Variants in MEI4 observed in about 807,000 individuals in gnomAD.
MEI4 encodes meiosis-specific protein MEI4.
A neutral mutation model predicts 31.4 loss-of-function variants in MEI4; 27 were observed. The ratio of observed to expected loss-of-function variants is 0.86; its 90% CI spans 0.63 to 1.19. The LOEUF (loss-of-function observed/expected upper bound fraction) is 1.19, where lower values mean the gene tolerates loss of function less well. Ranked by LOEUF, MEI4 falls within the 50% of genes most tolerant of loss-of-function variation. The probability of loss-of-function intolerance (pLI) is 0.00; values close to 1 mark genes in which losing one functional copy is unlikely to be tolerated. For missense variants in MEI4, 329 were observed against 398.9 expected, an observed-to-expected ratio of 0.82 and a Z score of 1.49; for synonymous variants, 122 against 145.4, an observed-to-expected ratio of 0.84 and a Z score of 1.16.
At position 77,918,771 on chromosome 6, in the gene MEI4, G is replaced by C. The variant is rs1300987093; in HGVS notation, c.901-4318G>C. Among the ~76,000 whole-genome samples, 6 of 151,814 alleles carry C rather than the reference G, an allele frequency of 4.0e-5. No individual in the cohort carries two copies. The East Asian group carries it at 1.2e-3, about 30-fold the overall frequency. On this transcript the variant is annotated intron_variant, in intron 4 of 4. Transcript: ENST00000684080. ...TGAATACCCTTTATTTCCTTCTCCTGCCTAATTGCCCTGGCCAGAACTTCC... is the reference window on the plus strand; with the variant it reads ...TGAATACCCTTTATTTCCTTCTCCTCCCTAATTGCCCTGGCCAGAACTTCC...
intron 3 of MEI4, among the ~76,000 whole-genome samples, chr6:77,804,055 G>T (rs1769356243): frequency 6.6e-6 from 1 of 152,180 alleles, no homozygotes; most frequent in African/African-American, 2.4e-5. Context: ...GTTTGGCTAT[G>T]CCCTAGCCCC....
chr6:77,837,808 C>G (rs1037694069), intron 4 of MEI4, among the ~76,000 whole-genome samples: 1 of 152,064 alleles, frequency 6.6e-6, no homozygotes, highest in East Asian at 1.9e-4. Context: ...TTTTAAGGAA[C>G]TGTTAATTTT....
intron 2 of MEI4, among the ~76,000 whole-genome samples, chr6:77,706,090 A>G (rs1687828668): frequency 6.6e-6 from 1 of 152,136 alleles, no homozygotes. Flanking sequence ...TTTCTCCCCA[A>G]GGCAGGCCAT....
intron 2 of MEI4, among the ~76,000 whole-genome samples, chr6:77,748,357 C>A (rs1385573339): frequency 6.6e-6 from 1 of 152,224 alleles, no homozygotes; most frequent in African/African-American, 2.4e-5. Flanking sequence ...CTGTTGAATT[C>A]TGTGCAACTG....
chr6:77,870,367 G>C (rs555110387), intron 4 of MEI4, among the ~76,000 whole-genome samples: 27 of 152,200 alleles, frequency 1.8e-4, no homozygotes, highest in African/African-American at 6.5e-4. Context: ...GCACATTTAA[G>C]GTAGGCTAAG....
intron 2 of MEI4, among the ~76,000 whole-genome samples, chr6:77,726,861 G>T (rs1766837577): frequency 6.6e-6 from 1 of 152,100 alleles, no homozygotes; most frequent in South Asian, 2.1e-4. Flanking sequence ...ACTAGCTGTA[G>T]GAGAGAATAA....
At position 77,923,180 on chromosome 6, in the gene MEI4, G is replaced by A. The variant is rs376137687; in HGVS notation, c.992G>A (p.Gly331Asp). The change falls in exon 5 of 5, where the codon GGC becomes GAC. Residue 331 changes from glycine to aspartate, a missense_variant. By Grantham distance (94) the Gly-to-Asp change is moderately conservative. Coordinates refer to ENST00000684080, the MANE Select transcript of MEI4 (RefSeq NM_001322247.2). ...EQLLQKETEE[G>D]NTSSIGHDDQ... ...CTTCTTCAAAAGGAAACCGAAGAAGGCAACACTTCAAGTATAGGTCATGAT... is the reference window on the plus strand; with the variant it reads ...CTTCTTCAAAAGGAAACCGAAGAAGACAACACTTCAAGTATAGGTCATGAT... 14 of 1,230,572 alleles carry A rather than the reference G, an allele frequency of 1.1e-5. No homozygotes were observed. In the South Asian group the frequency reaches 1.2e-4, roughly 11 times the overall value. The allele number at this position is 1,230,572 out of a possible 1,614,324, so 76.2% of individuals were successfully genotyped here.
At chr6:77,835,373 AACACACACACACACAC>A (rs149668655) in intron 4 of MEI4, among the ~76,000 whole-genome samples, 2 of 96,804 alleles carry the variant, frequency 2.1e-5, no homozygotes, top group Admixed American at 2.6e-4. Context: ...AACAAAACAA[AACACACACACACACAC>A]ACACACACAC....
chr6:77,838,990 A>G (rs1349271182), intron 4 of MEI4, among the ~76,000 whole-genome samples: 1 of 152,158 alleles, frequency 6.6e-6, no homozygotes, highest in Non-Finnish European at 1.5e-5. Flanking sequence ...GAAGGCAAAA[A>G]AAACTGCGGA....
chr6:77,733,135 G>T (rs1456426867), intron 2 of MEI4, among the ~76,000 whole-genome samples: 1 of 151,822 alleles, frequency 6.6e-6, no homozygotes, highest in Non-Finnish European at 1.5e-5. Context: ...GATGATGCTG[G>T]CTTCATAAAA....
chr6:77,770,325 A>G (rs528406722), intron 3 of MEI4, among the ~76,000 whole-genome samples: 1 of 152,216 alleles, frequency 6.6e-6, no homozygotes, highest in Admixed American at 6.5e-5. Context: ...TTGGAGCCCT[A>G]ATACAAAGTT....
intron 4 of MEI4, among the ~76,000 whole-genome samples, chr6:77,909,786 G>A (rs1173078716): frequency 2.0e-5 from 3 of 152,138 alleles, no homozygotes; most frequent in African/African-American, 7.2e-5. Flanking sequence ...TATCCCTGAT[G>A]AACATCCATG....
chr6:77,743,883 C>G (rs564351082), intron 2 of MEI4, among the ~76,000 whole-genome samples: 1 of 152,232 alleles, frequency 6.6e-6, no homozygotes, highest in Admixed American at 6.5e-5. Flanking sequence ...CTCTAGCAAA[C>G]TCCAACAGAC....
chr6:77,830,904 G>T (rs1364170916), intron 4 of MEI4, among the ~76,000 whole-genome samples: 1 of 151,840 alleles, frequency 6.6e-6, no homozygotes, highest in East Asian at 1.9e-4. Context: ...AGACAAATGA[G>T]AATATATCAA....
At chr6:77,656,498 A>G (rs1768397907) in intron 1 of MEI4, among the ~76,000 whole-genome samples, 1 of 152,096 alleles carries the variant, frequency 6.6e-6, no homozygotes, top group Admixed American at 6.5e-5. Flanking sequence ...TTATTCATGC[A>G]TCAGTTTGTA....
intron 4 of MEI4, among the ~76,000 whole-genome samples, chr6:77,857,975 A>G (rs144589304): frequency 1.3e-5 from 2 of 152,178 alleles, no homozygotes; most frequent in African/African-American, 2.4e-5. Context: ...ATGGGTGTGT[A>G]CTTTTTAGTA....
At chr6:77,774,480 G>GAGAT (rs1038513779) in intron 3 of MEI4, among the ~76,000 whole-genome samples, 1 of 152,076 alleles carries the variant, frequency 6.6e-6, no homozygotes, top group African/African-American at 2.4e-5. Context: ...TGAATCCATA[G>GAGAT]AGATAGAGAG....
intron 2 of MEI4, among the ~76,000 whole-genome samples, chr6:77,756,945 T>C (rs1016393795): frequency 6.6e-6 from 1 of 152,178 alleles, no homozygotes; most frequent in Non-Finnish European, 1.5e-5. Flanking sequence ...CTTAAGGAAC[T>C]CATAAACAAG....
At chr6:77,806,152 G>A (rs987117961) in intron 3 of MEI4, among the ~76,000 whole-genome samples, 4 of 152,112 alleles carry the variant, frequency 2.6e-5, no homozygotes, top group Non-Finnish European at 5.9e-5. Context: ...TACATAAAGT[G>A]CATAGATAAC....
Sources: gnomAD v4.1 joint callset for allele counts (sites outside exome capture counted in the v4.1 genomes callset) on GRCh38, gnomAD v4.1.1 for gene constraint, MANE v1.5 for transcripts, NCBI Gene and HGNC (gene_info 2026-07-23, HGNC 2026-07-21) for gene names.